PMS2: variants seen among roughly 807,000 people sequenced by gnomAD.
PMS2 encodes mismatch repair endonuclease PMS2.
PMS2 carries 69 observed loss-of-function variants against 90.0 expected under a neutral mutation model. The observed-to-expected ratio is 0.77, with a 90% CI of 0.63 to 0.94. The LOEUF is 0.94. Ranked by LOEUF, PMS2 falls within the 40% of genes least tolerant of loss-of-function variation. The probability of loss-of-function intolerance (pLI) is 0.00; values close to 1 mark genes in which losing one functional copy is unlikely to be tolerated. For synonymous variants in PMS2, 332 were observed against 375.1 expected, an observed-to-expected ratio of 0.89 and a Z score of 1.33; for missense variants, 966 against 1,040.2, an observed-to-expected ratio of 0.93 and a Z score of 0.98.
chr7:5,986,095 G>A (rs1177235286), intron 11 of PMS2, among the ~76,000 whole-genome samples: 1 of 142,052 alleles, frequency 7.0e-6, no homozygotes, highest in Non-Finnish European at 1.6e-5. Flanking sequence ...ATATGCCCTG[G>A]TTCCCAGTAC....
At chr7:5,984,727 G>A (rs759157169) in intron 11 of PMS2, among the ~76,000 whole-genome samples, 2 of 151,726 alleles carry the variant, frequency 1.3e-5, no homozygotes, top group Admixed American at 6.6e-5. Context: ...AGAGCTTGCA[G>A]TGAGCTGAGA....
At chr7:6,008,103 C>T (rs936564366) in intron 1 of PMS2, among the ~76,000 whole-genome samples, 6 of 152,040 alleles carry the variant, frequency 3.9e-5, no homozygotes, top group Admixed American at 6.6e-5. Flanking sequence ...ATGATCCACC[C>T]GCCTTGGCCT....
Position 5,973,325 on chromosome 7 carries a change from A to T in PMS2, c.*74T>A, listed in dbSNP as rs1253479687. The T allele has an allele frequency of 2.2e-6, 3 of 1,345,154 alleles. 1 individual carries two copies. In the African/African-American group the frequency reaches 4.6e-5, roughly 21 times the overall value. 83.3% of individuals were successfully genotyped at this position (1,345,154 alleles called of 1,614,324 possible). ...TAGCAGGTTCATTTTAAAACAAAAA[A>T]GGTTAGTGAAGACTCTGTCTTTCAA... On this transcript the variant is annotated 3_prime_UTR_variant, in exon 15 of 15. Coordinates refer to ENST00000265849, the MANE Select transcript of PMS2 (RefSeq NM_000535.7).
intron 1 of PMS2, 71 bp downstream of exon 1, chr7:6,008,926 A>C: frequency 6.4e-7 from 1 of 1,565,190 alleles, no homozygotes; most frequent in Non-Finnish European, 8.8e-7. Context: ...ATTTCCAGGG[A>C]GGTTGGAATG....
intron 10 of PMS2, among the ~76,000 whole-genome samples, chr7:5,988,887 G>T (rs976358343): frequency 8.6e-5 from 13 of 151,934 alleles, no homozygotes; most frequent in African/African-American, 3.1e-4. Context: ...ACGGAGTCTC[G>T]CTTTGTCACC....
In PMS2 at chr7:5,995,651, G is replaced by C. The variant is rs749782840; in HGVS notation, c.804-18C>G. The C allele has an allele frequency of 6.6e-7, 1 of 1,507,890 alleles. No homozygotes were observed. The highest frequency in any genetic ancestry group is 9.2e-7 in the Non-Finnish European group (1 of 1,082,706). 93.4% of individuals were successfully genotyped at this position (1,507,890 alleles called of 1,614,324 possible). On this transcript the variant is annotated intron_variant, in intron 7 of 14. Transcript: ENST00000265849. ...CTGAGATGCTATTCAACATTAATAT[G>C]GTAAGGGCAGGATTCCAGAGTGAAA...
At chr7:5,985,632 C>T (rs1394643827) in intron 11 of PMS2, among the ~76,000 whole-genome samples, 1 of 150,728 alleles carries the variant, frequency 6.6e-6, no homozygotes, top group Non-Finnish European at 1.5e-5. Flanking sequence ...CGGCTCACCA[C>T]AACCTCCACC....
Position 5,997,216 on chromosome 7 carries a change from GAAAA to G in PMS2, c.803+106_803+109del, listed in dbSNP as rs879309592. On this transcript the variant is annotated intron_variant, in intron 7 of 14. Transcript: ENST00000265849. ...GCAACAAAGCAAGACTCCGTCTCAA[GAAAA>G]AAAAAAAAAGACACGAAACTATTAG... The G allele has an allele frequency of 7.0e-6, 4 of 569,618 alleles. No individual in the cohort carries two copies. In the African/African-American group the frequency reaches 9.4e-5, roughly 13 times the overall value. The allele number at this position is 569,618 out of a possible 1,614,324, so 35.3% of individuals were successfully genotyped here.
At chr7:6,004,887 T>TG (rs1457155845) in intron 2 of PMS2, among the ~76,000 whole-genome samples, 1 of 152,100 alleles carries the variant, frequency 6.6e-6, no homozygotes, top group African/African-American at 2.4e-5. Context: ...AATAATTCTT[T>TG]GGTTTTTTTT....
At chr7:5,992,439 C>T (rs1346270048) in intron 8 of PMS2, among the ~76,000 whole-genome samples, 2 of 152,042 alleles carry the variant, frequency 1.3e-5, no homozygotes, top group East Asian at 3.9e-4. Context: ...CCTGACTCAG[C>T]CTCCAGAGTA....
At chr7:5,992,142 C>T (rs932878312) in intron 8 of PMS2, 85 bp from the exon 9 acceptor site, 1 of 779,486 alleles carries the variant, frequency 1.3e-6, no homozygotes, top group East Asian at 2.5e-5. Context: ...TTCTAACCAA[C>T]CAGCATGTTC....
intron 8 of PMS2, 124 bp from the exon 9 acceptor site, chr7:5,992,181 T>C (rs1197731124): frequency 3.0e-6 from 2 of 662,014 alleles, no homozygotes; most frequent in Non-Finnish European, 5.4e-6. Flanking sequence ...TTGTTTTTTT[T>C]TTTTTTGAGT....
intron 9 of PMS2, 127 bp downstream of exon 9, chr7:5,991,846 A>C (rs1783769435): frequency 7.4e-6 from 5 of 671,430 alleles, no homozygotes; most frequent in Admixed American, 2.3e-5. Context: ...CTCAAAAAAA[A>C]ACAAAAACAA....
At chr7:5,994,647 G>A (rs982691507) in intron 8 of PMS2, among the ~76,000 whole-genome samples, 3 of 151,486 alleles carry the variant, frequency 2.0e-5, no homozygotes, top group African/African-American at 7.3e-5. Flanking sequence ...GTGGTGGCAG[G>A]CACCTGTAGT....
At chr7:6,004,399 G>T (rs1020638616) in intron 2 of PMS2, 3 of 223,974 alleles carry the variant, frequency 1.3e-5, no homozygotes, top group African/African-American at 4.7e-5. Context: ...TCTTTTGAAA[G>T]AAATAATTTT....
At chr7:5,999,355 C>A (rs148728760) in intron 5 of PMS2, 80 bp from the exon 6 acceptor site, 3 of 1,253,412 alleles carry the variant, frequency 2.4e-6, no homozygotes, top group Admixed American at 1.7e-5. Flanking sequence ...CAACATCCAA[C>A]GCAAGGTTCT....
chr7:6,001,414 A>G (rs1215003367), intron 5 of PMS2, among the ~76,000 whole-genome samples: 1 of 138,896 alleles, frequency 7.2e-6, no homozygotes, highest in African/African-American at 2.8e-5. Flanking sequence ...CTCTGTGCCC[A>G]GGCTGGAGTG....
rs2128801850 is a variant in PMS2, at chr7:5,999,250, A to G, written c.563T>C (p.Leu188Ser). The change falls in exon 6 of 15, where the codon TTA (leucine) becomes TCA (serine). Residue 188 changes from leucine to serine, a missense_variant. Leu to Ser is a moderately radical substitution (Grantham distance 145, BLOSUM62 -2). Around this residue, in one of 2 missense-constraint regions of PMS2, gnomAD observed 871 missense variants for 802.4 expected, o/e 1.09. Transcript: ENST00000265849. ...KKEYAKMVQV[L>S]HAYCIISAGI... Reference sequence around the variant, plus strand: ...TGCTGAAATGATACAGTATGCATGTAAGACCTGGACCATTTTGGCATACTC... The same window carrying G: ...TGCTGAAATGATACAGTATGCATGTGAGACCTGGACCATTTTGGCATACTC... 6.2e-7 allele frequency: 1 copy of G among 1,614,052 alleles called. No individual in the cohort carries two copies. The highest frequency in any genetic ancestry group is 8.5e-7 in the Non-Finnish European group (1 of 1,179,938).
chr7:5,999,535 A>T (rs988698697), intron 5 of PMS2, among the ~76,000 whole-genome samples: 1 of 152,134 alleles, frequency 6.6e-6, no homozygotes, highest in Non-Finnish European at 1.5e-5. Context: ...ACAGCCTGTA[A>T]TCCCAGCTAC....
Sources: gnomAD v4.1 joint callset for allele counts (sites outside exome capture counted in the v4.1 genomes callset) on GRCh38, gnomAD v4.1.1 for gene constraint, gnomAD v4.1.1 regional missense constraint, MANE v1.5 for transcripts, NCBI Gene and HGNC (gene_info 2026-07-23, HGNC 2026-07-21) for gene names.